SNAP47: variants seen among roughly 807,000 people sequenced by gnomAD.
SNAP47 encodes synaptosomal-associated protein 47.
SNAP47 carries 20 observed loss-of-function variants against 31.4 expected under a neutral mutation model. The observed-to-expected ratio is 0.64, with a 90% CI of 0.45 to 0.93. SNAP47 has a LOEUF of 0.93. Ranked by LOEUF, SNAP47 falls within the 40% of genes least tolerant of loss-of-function variation. The probability of loss-of-function intolerance (pLI) is 0.00; values close to 1 mark genes in which losing one functional copy is unlikely to be tolerated. For synonymous variants in SNAP47, 194 were observed against 213.4 expected, an observed-to-expected ratio of 0.91 and a Z score of 0.79; for missense variants, 492 against 528.5, an observed-to-expected ratio of 0.93 and a Z score of 0.68.
intron 4 of SNAP47, among the ~76,000 whole-genome samples, chr1:227,778,119 A>T (rs1664265808): frequency 6.6e-6 from 1 of 152,266 alleles, no homozygotes; most frequent in African/African-American, 2.4e-5. Context: ...CGACGGGGGA[A>T]AAAGCCAGAT....
intron 4 of SNAP47, chr1:227,776,659 T>G (rs1412437636): frequency 1.0e-6 from 1 of 985,362 alleles, no homozygotes; most frequent in African/African-American, 1.7e-5. Context: ...TGCCATGTAA[T>G]TACTTCAGTC....
At chr1:227,735,204 C>T (rs746254779), upstream of SNAP47, 55 of 1,583,386 alleles carry the variant, frequency 3.5e-5, no homozygotes, top group Non-Finnish European at 4.6e-5. Flanking sequence ...GGAGCCTGGC[C>T]GACGCCGGGG....
At chr1:227,751,899 G>A (rs1416856249) in intron 2 of SNAP47, among the ~76,000 whole-genome samples, 1 of 151,954 alleles carries the variant, frequency 6.6e-6, no homozygotes, top group Non-Finnish European at 1.5e-5. Context: ...AAGTAGCTGG[G>A]ACTGCAGGTG....
At chr1:227,734,872 C>A, upstream of SNAP47, 2 of 1,604,170 alleles carry the variant, frequency 1.2e-6, no homozygotes, top group South Asian at 2.2e-5. Flanking sequence ...TCACTCCAAA[C>A]CGTCTGCAGA....
chr1:227,732,829 G>C, upstream of SNAP47: 1 of 1,606,658 alleles, frequency 6.2e-7, no homozygotes, highest in Non-Finnish European at 8.5e-7. Context: ...TCTGAGCCAT[G>C]CAGCCTAAAA....
At chr1:227,764,435 G>A (rs1205645410) in intron 3 of SNAP47, among the ~76,000 whole-genome samples, 3 of 152,198 alleles carry the variant, frequency 2.0e-5, no homozygotes, top group Admixed American at 6.5e-5. Flanking sequence ...TGAAATGAAA[G>A]CCATGTCGTA....
chr1:227,776,647 G>A (rs1374739031), intron 4 of SNAP47: 18 of 985,326 alleles, frequency 1.8e-5, no homozygotes, highest in Non-Finnish European at 2.2e-5. Context: ...GAATGCACAC[G>A]ATGCCATGTA....
chr1:227,776,727 T>C, intron 4 of SNAP47: 1 of 985,468 alleles, frequency 1.0e-6, no homozygotes, highest in Non-Finnish European at 1.2e-6. Context: ...AGTTTGAAGG[T>C]TCGCTCAGGA....
intron 3 of SNAP47, among the ~76,000 whole-genome samples, chr1:227,759,925 C>T (rs866195027): frequency 1.3e-5 from 2 of 152,132 alleles, no homozygotes; most frequent in South Asian, 4.1e-4. Flanking sequence ...GCATTAGTTC[C>T]CAAGAGTGGG....
chr1:227,780,848 C>T lies in SNAP47; in HGVS notation c.*175C>T, dbSNP rs928794734. 4 of 825,652 alleles carry T rather than the reference C, an allele frequency of 4.8e-6. No homozygotes were observed. The African/African-American group carries it at 6.9e-5, about 14-fold the overall frequency. 51.1% of individuals were successfully genotyped at this position (825,652 alleles called of 1,614,324 possible). ...GGGGCCTCCCCAGGTGTGCACCATG[C>T]CTGCCTCCCACTTGGCTGTCCCTGC... On this transcript the variant is annotated 3_prime_UTR_variant, in exon 5 of 5. Coordinates refer to ENST00000617596, the MANE Select transcript of SNAP47 (RefSeq NM_053052.4).
At chr1:227,754,565 C>T (rs1040513278) in intron 2 of SNAP47, among the ~76,000 whole-genome samples, 3 of 152,208 alleles carry the variant, frequency 2.0e-5, no homozygotes, top group East Asian at 1.9e-4. Flanking sequence ...ACTTCCAAAA[C>T]GGTTCCTCCT....
intron 1 of SNAP47, among the ~76,000 whole-genome samples, chr1:227,739,081 C>G (rs1240130832): frequency 2.0e-5 from 3 of 152,190 alleles, no homozygotes; most frequent in South Asian, 2.1e-4. Context: ...CACCCAGAGC[C>G]CGCTAGATCA....
chr1:227,737,274 C>G (rs1474198894), intron 1 of SNAP47, among the ~76,000 whole-genome samples: 2 of 152,214 alleles, frequency 1.3e-5, no homozygotes, highest in Non-Finnish European at 2.9e-5. Context: ...CATAGGTGCT[C>G]TGCGAGAGAG....
intron 4 of SNAP47, among the ~76,000 whole-genome samples, chr1:227,770,344 T>G (rs540914949): frequency 3.1e-4 from 47 of 152,120 alleles, no homozygotes; most frequent in East Asian, 2.5e-3. Context: ...AGGGCTCACG[T>G]GGAGGTGTGG....
intron 4 of SNAP47, among the ~76,000 whole-genome samples, chr1:227,772,549 A>C (rs1663889889): frequency 6.6e-6 from 1 of 152,142 alleles, no homozygotes; most frequent in Non-Finnish European, 1.5e-5. Flanking sequence ...TGCCGCTGTA[A>C]GCGTTCACGT....
upstream of SNAP47, chr1:227,734,202 G>A: frequency 1.4e-6 from 1 of 703,806 alleles, no homozygotes. Context: ...GCGGGGGAGG[G>A]GGCGGGGCAG....
In SNAP47 at chr1:227,759,226, T is replaced by C. The variant is rs1558204143; in HGVS notation, c.729T>C (p.Ser243=). ...LVSGLEIHDS[S]SLLMHRFERE... is the part of the protein sequence containing the mutation. ...CTGGGTTGGAAATACATGACTCCAG[T>C]TCTTTGCTCATGCACAGGTTTGAAA... The change falls in exon 3 of 5, where the codon AGT becomes AGC. Residue 243 remains serine (S), a synonymous_variant. Transcript: ENST00000617596. 1 of 1,614,186 alleles carries C rather than the reference T, an allele frequency of 6.2e-7. No individual in the cohort carries two copies. Among genetic ancestry groups the C allele is most frequent in the Non-Finnish European group, 8.5e-7 (1 of 1,180,038 alleles).
intron 1 of SNAP47, among the ~76,000 whole-genome samples, chr1:227,740,880 G>A (rs531179259): frequency 1.3e-5 from 2 of 152,220 alleles, no homozygotes; most frequent in African/African-American, 4.8e-5. Flanking sequence ...CAGGTGATAG[G>A]GGAGGAGCTG....
Position 227,763,043 on chromosome 1 carries a change from A to G in SNAP47, c.988+3558A>G, listed in dbSNP as rs577278429. Reference sequence around the variant, plus strand: ...GCAATCATAGCTCACTGTAACTTCAATCTCCTGGGCCCAAGACATCCTCCT... The same window carrying G: ...GCAATCATAGCTCACTGTAACTTCAGTCTCCTGGGCCCAAGACATCCTCCT... On this transcript the variant is annotated intron_variant, in intron 3 of 4. Coordinates refer to ENST00000617596, the MANE Select transcript of SNAP47 (RefSeq NM_053052.4). This position sits in a 1 kb window ranked among gnomAD's most constrained non-coding sequence, Gnocchi z 4.2. Among the ~76,000 whole-genome samples, 8 of 152,096 alleles carry G rather than the reference A, an allele frequency of 5.3e-5. No individual in the cohort carries two copies. The highest frequency in any genetic ancestry group is 6.8e-3 in the Middle Eastern group (2 of 294).
Sources: allele counts gnomAD v4.1 joint callset (sites outside exome capture counted in the v4.1 genomes callset), GRCh38; gene constraint gnomAD v4.1.1; non-coding constraint Gnocchi (gnomAD v3.1); transcripts MANE v1.5; gene names NCBI Gene and HGNC (gene_info 2026-07-23, HGNC 2026-07-21).